The following NFIB variants were observed in gnomAD, a reference collection of about 807,000 sequenced individuals.
NFIB encodes the protein nuclear factor 1 B-type.
NFIB carries 11 observed loss-of-function variants against 61.5 expected under a neutral mutation model. The observed-to-expected ratio is 0.18, with a 90% CI of 0.11 to 0.30. NFIB has a LOEUF of 0.30. NFIB is among the 10% of genes least tolerant of loss of function. The pLI is 1.00. For synonymous variants in NFIB, 260 were observed against 216.5 expected (o/e 1.20, Z -1.76); for missense variants, 471 against 608.9 (o/e 0.77, Z 2.38).
At chr9:14,290,369 C>T (rs1176805581) in intron 2 of NFIB, among the ~76,000 whole-genome samples, 1 of 152,020 alleles carries the variant, frequency 6.6e-6, no homozygotes, top group Non-Finnish European at 1.5e-5. Context: ...AAAAGGGAGA[C>T]CAAGTCTTCT....
chr9:14,521,334 C>T, the NFIB span, among the ~76,000 whole-genome samples: 38 of 152,266 alleles, frequency 2.5e-4, no homozygotes, highest in Admixed American at 9.8e-4. Context: ...TGTGAAAACA[C>T]GGCTTGTAAT....
chr9:14,196,680 T>C (rs920571908), intron 2 of NFIB, among the ~76,000 whole-genome samples: 5 of 73,470 alleles, frequency 6.8e-5, no homozygotes, highest in Non-Finnish European at 1.4e-4. Flanking sequence ...AATTCTCTTA[T>C]TCTAACTTAA....
chr9:14,182,196 G>A (rs1461329801), intron 2 of NFIB, among the ~76,000 whole-genome samples: 3 of 152,048 alleles, frequency 2.0e-5, no homozygotes, highest in Non-Finnish European at 2.9e-5. Context: ...AAAACCACAA[G>A]CATTTGAGGG....
intron 2 of NFIB, among the ~76,000 whole-genome samples, chr9:14,221,800 C>T (rs1399464487): frequency 6.6e-6 from 1 of 152,222 alleles, no homozygotes; most frequent in African/African-American, 2.4e-5. Context: ...GCCAGCTAAT[C>T]ATTCTTTACC....
chr9:14,488,994 C>T, the NFIB span, among the ~76,000 whole-genome samples: 1 of 152,128 alleles, frequency 6.6e-6, no homozygotes, highest in Non-Finnish European at 1.5e-5. Flanking sequence ...ACAGCTGTCT[C>T]TTGAAATTGT....
chr9:14,234,117 T>C (rs1035140810), intron 2 of NFIB, among the ~76,000 whole-genome samples: 1 of 152,152 alleles, frequency 6.6e-6, no homozygotes, highest in Non-Finnish European at 1.5e-5. Context: ...TCCTGTGACT[T>C]ATTGAACAGT....
intron 2 of NFIB, among the ~76,000 whole-genome samples, chr9:14,253,035 T>G (rs1325912958): frequency 6.6e-6 from 1 of 152,092 alleles, no homozygotes; most frequent in African/African-American, 2.4e-5. Context: ...AAACAATTAT[T>G]TTTACATCAA....
At chr9:14,379,632 A>G (rs1334625233) in intron 1 of NFIB, among the ~76,000 whole-genome samples, 2 of 152,160 alleles carry the variant, frequency 1.3e-5, no homozygotes, top group South Asian at 4.1e-4. Flanking sequence ...ATTTACAATC[A>G]CACTGCAGAA....
At position 14,120,557 on chromosome 9, in the gene NFIB, T is replaced by C. The variant is rs1050835984; in HGVS notation, c.1128A>G (p.Pro376=). 7 of 1,613,662 alleles carry C rather than the reference T, an allele frequency of 4.3e-6. No individual in the cohort carries two copies. The highest frequency in any genetic ancestry group is 2.2e-5 in the East Asian group (1 of 44,870). The change falls in exon 8 of 11, where the codon CCA becomes CCG. Residue 376 remains proline, a synonymous_variant. Coordinates refer to ENST00000380953, the MANE Select transcript of NFIB (RefSeq NM_001190737.2). This position sits in a 1 kb window ranked among gnomAD's most constrained non-coding sequence, Gnocchi z 4.4. ...GATGAGAAAAGTAGCTCGATGGGGC[T>C]GGAGGAAGGATAGCTTGTGTTGGAA... is the stretch of plus-strand genomic sequence containing the variant. ...LPFPTQAILP[P]APSSYFSHPT...
intron 6 of NFIB, among the ~76,000 whole-genome samples, chr9:14,135,155 G>T (rs1164225586): frequency 6.6e-6 from 1 of 152,008 alleles, no homozygotes; most frequent in Non-Finnish European, 1.5e-5. Context: ...CTTCATATTT[G>T]AAAGTTTGTT....
the NFIB span, among the ~76,000 whole-genome samples, chr9:14,494,008 G>T: frequency 4.7e-3 from 717 of 152,256 alleles, 4 homozygotes; most frequent in African/African-American, 0.016. Flanking sequence ...CTGTGGAAAC[G>T]TATCTCTTCT....
chr9:14,232,011 C>A (rs986119594), intron 2 of NFIB, among the ~76,000 whole-genome samples: 4 of 152,176 alleles, frequency 2.6e-5, no homozygotes, highest in Non-Finnish European at 4.4e-5. Flanking sequence ...GCCAACAACA[C>A]CACACTCAAA....
At chr9:14,106,298 A>C (rs2036545029) in intron 10 of NFIB, among the ~76,000 whole-genome samples, 1 of 152,150 alleles carries the variant, frequency 6.6e-6, no homozygotes, top group Non-Finnish European at 1.5e-5. Flanking sequence ...ACACTCATAT[A>C]AATCATTTTA....
At chr9:14,463,513 T>C in the NFIB span, among the ~76,000 whole-genome samples, 2 of 152,150 alleles carry the variant, frequency 1.3e-5, no homozygotes, top group African/African-American at 2.4e-5. Flanking sequence ...GGTGATGTTG[T>C]TAATAGCAAA....
chr9:14,529,813 T>C, the NFIB span, among the ~76,000 whole-genome samples: 2 of 152,182 alleles, frequency 1.3e-5, no homozygotes, highest in Non-Finnish European at 2.9e-5. Context: ...TACGCAATAA[T>C]TTTTAGCCTA....
chr9:14,145,505 A>G (rs560384564), intron 6 of NFIB, among the ~76,000 whole-genome samples: 1 of 152,238 alleles, frequency 6.6e-6, no homozygotes, highest in South Asian at 2.1e-4. Flanking sequence ...GCAAAGAAGG[A>G]GCACTGAATA....
At chr9:14,200,166 C>T (rs1375276931) in intron 2 of NFIB, among the ~76,000 whole-genome samples, 3 of 152,134 alleles carry the variant, frequency 2.0e-5, no homozygotes, top group African/African-American at 7.2e-5. Flanking sequence ...ATGCCTTCTT[C>T]AAAACTCAAA....
chr9:14,237,452 T>C (rs1346330536), intron 2 of NFIB, among the ~76,000 whole-genome samples: 2 of 151,950 alleles, frequency 1.3e-5, no homozygotes, highest in East Asian at 1.9e-4. Flanking sequence ...ACCTAAGATA[T>C]ACCATTGCCC....
At chr9:14,344,822 A>T (rs2132885993) in intron 1 of NFIB, among the ~76,000 whole-genome samples, 1 of 152,332 alleles carries the variant, frequency 6.6e-6, no homozygotes, top group African/African-American at 2.4e-5. Flanking sequence ...CATACATACT[A>T]AAAGAACTAC....
Sources: allele counts gnomAD v4.1 joint callset (sites outside exome capture counted in the v4.1 genomes callset), GRCh38; gene constraint gnomAD v4.1.1; non-coding constraint Gnocchi (gnomAD v3.1); transcripts MANE v1.5; gene names NCBI Gene and HGNC (gene_info 2026-07-23, HGNC 2026-07-21).